The following MROH1 variants were observed in gnomAD, a reference collection of about 807,000 sequenced individuals.
MROH1 encodes the protein maestro heat-like repeat-containing protein family member 1.
A neutral mutation model predicts 116.5 loss-of-function variants in MROH1; 117 were observed. That is an observed-to-expected ratio of 1.00 (90% CI 0.86 to 1.17). The LOEUF is 1.17. Among genes scored for constraint, MROH1 ranks in the 50% most tolerant of loss-of-function variants. MROH1 has a pLI of 0.00. For synonymous variants in MROH1, 921 were observed against 583.9 expected (o/e 1.58, Z -8.32); for missense variants, 1,873 against 1,338.5 (o/e 1.40, Z -6.23).
chr8:144,151,393 A>T (rs1370529910), intron 1 of MROH1, among the ~76,000 whole-genome samples: 6 of 152,112 alleles, frequency 3.9e-5, no homozygotes, highest in Non-Finnish European at 5.9e-5. Flanking sequence ...AGAACACACC[A>T]ACAGATGCCA....
chr8:144,240,331 G>C (rs1840752322), intron 19 of MROH1, among the ~76,000 whole-genome samples, 178 bp downstream of exon 19: 1 of 152,186 alleles, frequency 6.6e-6, no homozygotes, highest in South Asian at 2.1e-4. Flanking sequence ...GGGCCTTGCT[G>C]TGACAAGGCA....
At position 144,241,524 on chromosome 8, in the gene MROH1, G is replaced by A. The variant is rs1188135495; in HGVS notation, c.2178+7G>A. ...CATTCTCAACATTTTTAAGGTTAGG[G>A]TGACACCGGTGCAGGGCTGGGGACG... On this transcript the variant is annotated splice_region_variant and intron_variant, in intron 22 of 43. Coordinates refer to ENST00000326134, the MANE Select transcript of MROH1 (RefSeq NM_032450.3). The A allele has an allele frequency of 1.3e-6, 1 of 778,244 alleles. No homozygotes were observed. Among genetic ancestry groups the A allele is most frequent in the East Asian group, 2.4e-5 (1 of 41,248 alleles). 48.2% of individuals were successfully genotyped at this position (778,244 alleles called of 1,614,324 possible).
intron 4 of MROH1, among the ~76,000 whole-genome samples, chr8:144,173,199 G>C (rs1281807806): frequency 6.6e-6 from 1 of 150,488 alleles, no homozygotes; most frequent in East Asian, 1.9e-4. Flanking sequence ...TACCTCCTGG[G>C]TCAAGCAATT....
chr8:144,226,528 C>T (rs1277631396), intron 14 of MROH1, among the ~76,000 whole-genome samples: 1 of 152,140 alleles, frequency 6.6e-6, no homozygotes, highest in East Asian at 1.9e-4. Context: ...TGCTGGCTCA[C>T]TGCAGCCTCC....
intron 32 of MROH1, among the ~76,000 whole-genome samples, 174 bp from the exon 33 acceptor site, chr8:144,250,038 C>T (rs1324383142): frequency 6.6e-6 from 1 of 152,236 alleles, no homozygotes; most frequent in East Asian, 1.9e-4. Context: ...TCCTTGGCTT[C>T]TGGGCTGTCC....
chr8:144,212,912 C>T, intron 12 of MROH1: 1 of 707,808 alleles, frequency 1.4e-6, no homozygotes, highest in East Asian at 2.5e-5. Flanking sequence ...ACGTCTCTAT[C>T]TCTGTTCTCA....
At chr8:144,177,147 C>T (rs1323304591) in intron 4 of MROH1, among the ~76,000 whole-genome samples, 1 of 152,236 alleles carries the variant, frequency 6.6e-6, no homozygotes, top group Non-Finnish European at 1.5e-5. Context: ...CACTCGTGGG[C>T]CTGGGGCTAA....
At chr8:144,184,333 G>A (rs1474394896) in intron 7 of MROH1, among the ~76,000 whole-genome samples, 2 of 152,190 alleles carry the variant, frequency 1.3e-5, no homozygotes, top group Non-Finnish European at 2.9e-5. Flanking sequence ...CTGGAGCGCA[G>A]GGTCTCGGCT....
intron 33 of MROH1, among the ~76,000 whole-genome samples, chr8:144,253,118 C>T (rs933564094): frequency 1.4e-4 from 21 of 151,776 alleles, no homozygotes; most frequent in Non-Finnish European, 2.8e-4. Flanking sequence ...CGCGCCGTTG[C>T]ACTCCAGCCT....
chr8:144,167,445 C>T (rs1193491767), intron 3 of MROH1, among the ~76,000 whole-genome samples: 20 of 117,384 alleles, frequency 1.7e-4, no homozygotes, highest in South Asian at 5.4e-4. Flanking sequence ...GTGGAGTGGC[C>T]GGTTGTTGTG....
chr8:144,238,175 T>A (rs1840366562), intron 14 of MROH1, among the ~76,000 whole-genome samples: 1 of 152,134 alleles, frequency 6.6e-6, no homozygotes, highest in African/African-American at 2.4e-5. Context: ...TGTTTTTTTT[T>A]TTTTTTCTGT....
chr8:144,208,670 A>T (rs986386994), intron 12 of MROH1, among the ~76,000 whole-genome samples: 5 of 152,140 alleles, frequency 3.3e-5, no homozygotes, highest in Non-Finnish European at 7.3e-5. Flanking sequence ...ATCATATGTT[A>T]GTGGGTATAT....
In MROH1 at chr8:144,252,246, G is replaced by A. The variant is rs1034633923; in HGVS notation, c.3428+1880G>A. ...TGTATATAGGAGTGGAATCAAGGCC[G>A]GGCACTGTGGCTCATACCTGTAATC... On this transcript the variant is annotated intron_variant, in intron 33 of 43. Transcript: ENST00000326134. 5 of 153,332 alleles carry A rather than the reference G, an allele frequency of 3.3e-5. No homozygotes were observed. The South Asian group carries it at 5.9e-4, about 18-fold the overall frequency. 9.5% of individuals were successfully genotyped at this position (153,332 alleles called of 1,614,324 possible).
Position 144,185,015 on chromosome 8 carries a change from G to T in MROH1, c.562+4492G>T, listed in dbSNP as rs559111570. Among the ~76,000 whole-genome samples, 4 of 152,316 alleles carry T rather than the reference G, an allele frequency of 2.6e-5. No homozygotes were observed. In the South Asian group the frequency reaches 8.3e-4, roughly 32 times the overall value. ...TGACAGGTGTGCAGGGGATCCCCGCGCCAGCAAGAAAGGAGCTGAGGAGGA... is the reference window on the plus strand; with the variant it reads ...TGACAGGTGTGCAGGGGATCCCCGCTCCAGCAAGAAAGGAGCTGAGGAGGA... On this transcript the variant is annotated intron_variant, in intron 7 of 43. Coordinates refer to ENST00000326134, the MANE Select transcript of MROH1 (RefSeq NM_032450.3).
chr8:144,186,545 C>T lies in MROH1; in HGVS notation c.563-4239C>T, dbSNP rs570096246. Among the ~76,000 whole-genome samples, 5 of 152,302 alleles carry T rather than the reference C, an allele frequency of 3.3e-5. No homozygotes were observed. The East Asian group carries it at 9.6e-4, about 29-fold the overall frequency. On this transcript the variant is annotated intron_variant, in intron 7 of 43. Transcript: ENST00000326134. The stretch of plus-strand genomic sequence containing the variant: ...CCAAGTCAGAGATGGTTTCAGGTGC[C>T]TTTGCTGGGATACAGTGACCCTTGA...
At chr8:144,170,787 C>T (rs940962516) in intron 4 of MROH1, among the ~76,000 whole-genome samples, 4 of 152,202 alleles carry the variant, frequency 2.6e-5, no homozygotes, top group Non-Finnish European at 4.4e-5. Context: ...CCAAGGGGTG[C>T]TGGGCCTCAC....
chr8:144,197,812 G>A lies in MROH1; in HGVS notation c.949-1310G>A, dbSNP rs181764464. Among the ~76,000 whole-genome samples, 454 of 146,538 alleles carry A rather than the reference G, an allele frequency of 3.1e-3. 5 individuals are homozygous for A. The highest frequency in any genetic ancestry group is 7.2e-4 in the Non-Finnish European group (48 of 66,682). On this transcript the variant is annotated intron_variant, in intron 10 of 43. Coordinates refer to ENST00000326134, the MANE Select transcript of MROH1 (RefSeq NM_032450.3). ...GAGCACACCGGGGGCGGTGACTCACGCCTGTAATCCCAGCACTTTGGGAGG... is the reference window on the plus strand; with the variant it reads ...GAGCACACCGGGGGCGGTGACTCACACCTGTAATCCCAGCACTTTGGGAGG...
At position 144,233,542 on chromosome 8, in the gene MROH1, T is replaced by A. The variant is rs111672746; in HGVS notation, c.1339-5214T>A. Among the ~76,000 whole-genome samples, 1,265 of 149,146 alleles carry A rather than the reference T, an allele frequency of 8.5e-3. 15 individuals carry two copies. The highest frequency in any genetic ancestry group is 0.03 in the African/African-American group (1,201 of 39,864). The stretch of plus-strand genomic sequence containing the variant: ...GCAGCTCCTGCACCCACCATCCACC[T>A]TCTCTCTCTACGAATTTCACTGCTC... On this transcript the variant is annotated intron_variant, in intron 14 of 43. Transcript: ENST00000326134.
intron 4 of MROH1, chr8:144,175,259 T>C: frequency 2.1e-5 from 15 of 706,630 alleles, no homozygotes; most frequent in Non-Finnish European, 2.6e-5. Context: ...GTCGGATGGG[T>C]ATAAATGCCC....
Sources: gnomAD v4.1 joint callset for allele counts (sites outside exome capture counted in the v4.1 genomes callset) on GRCh38, gnomAD v4.1.1 for gene constraint, MANE v1.5 for transcripts, NCBI Gene and HGNC (gene_info 2026-07-23, HGNC 2026-07-21) for gene names.